KIF1B: variants seen among roughly 807,000 people sequenced by gnomAD.
KIF1B encodes the protein kinesin-like protein KIF1B.
A neutral mutation model predicts 241.9 loss-of-function variants in KIF1B; 76 were observed. The ratio of observed to expected loss-of-function variants is 0.31; its 90% confidence interval spans 0.26 to 0.38. KIF1B has a LOEUF of 0.38. KIF1B is among the 10% of genes least tolerant of loss of function. KIF1B has a pLI of 1.00. For missense variants in KIF1B, 1,622 were observed against 2,271.4 expected (o/e 0.71, Z 5.81); for synonymous variants, 750 against 796.7 (o/e 0.94, Z 0.99).
chr1:10,371,862 G>C (rs1263450853), intron 45 of KIF1B, among the ~76,000 whole-genome samples: 1 of 152,066 alleles, frequency 6.6e-6, no homozygotes, highest in African/African-American at 2.4e-5. Context: ...GAATCCAGGA[G>C]TTCAAGGTTG....
In KIF1B at chr1:10,365,463, C is replaced by T. The variant is rs1423618847; in HGVS notation, c.4567C>T (p.Pro1523Ser). ...LLRERLGDSIPKSLSDSLSPS... is the reference protein window; with the variant it reads ...LLRERLGDSISKSLSDSLSPS... The stretch of plus-strand genomic sequence containing the variant: ...GCGTGAGAGACTTGGTGACAGCATC[C>T]CCAAATCCCTGAGCGACTCGTTATC... The change falls in exon 43 of 49, where the codon CCC (proline) becomes TCC (serine). Residue 1523 changes from proline (P) to serine (S), a missense_variant. Pro to Ser is a moderately conservative substitution (Grantham distance 74, BLOSUM62 -1). Around this residue, in one of 7 missense-constraint regions of KIF1B, gnomAD observed 357 missense variants for 409.0 expected, o/e 0.87. Coordinates refer to ENST00000676179, the MANE Select transcript of KIF1B (RefSeq NM_001365951.3). The surrounding 1 kb of genome is among the most constrained non-coding windows in gnomAD (Gnocchi z 4.0). 1 of 1,614,108 alleles carries T rather than the reference C, an allele frequency of 6.2e-7. No homozygotes were observed. Among genetic ancestry groups the T allele is most frequent in the South Asian group, 1.1e-5 (1 of 91,078 alleles).
intron 34 of KIF1B, among the ~76,000 whole-genome samples, chr1:10,345,274 A>G (rs1375347050): frequency 4.6e-5 from 7 of 152,242 alleles, no homozygotes; most frequent in Admixed American, 1.3e-4. Context: ...TTGTCCTCAC[A>G]TTGGTATCAC....
In KIF1B at chr1:10,268,146, A is replaced by G. The variant is rs1276227203; in HGVS notation, c.609-6A>G. ...TTGTCACGTGGTCACCTTTATGTTT[A>G]TTTAGGACAGTGGCAGCTACAAACA... On this transcript the variant is annotated splice_polypyrimidine_tract_variant and splice_region_variant and intron_variant, in intron 6 of 48. Coordinates refer to ENST00000676179, the MANE Select transcript of KIF1B (RefSeq NM_001365951.3). The G allele has an allele frequency of 2.5e-6, 4 of 1,605,814 alleles. No individual in the cohort carries two copies. Among genetic ancestry groups the G allele is most frequent in the Non-Finnish European group, 3.4e-6 (4 of 1,172,988 alleles).
chr1:10,251,708 T>G (rs1320161363), intron 2 of KIF1B, among the ~76,000 whole-genome samples: 1 of 151,216 alleles, frequency 6.6e-6, no homozygotes, highest in Non-Finnish European at 1.5e-5. Context: ...CACTCCAGCC[T>G]GGGCAACAAG....
Position 10,271,540 on chromosome 1 carries a change from A to G in KIF1B, c.759A>G (p.Glu253=). The part of the protein sequence containing the change: ...KISLVDLAGS[E]RADSTGAKGT... ...GCTTGGTGGATCTAGCAGGAAGTGAACGAGCTGATTCAACTGGTGCCAAAG... is the reference window on the plus strand; with the variant it reads ...GCTTGGTGGATCTAGCAGGAAGTGAGCGAGCTGATTCAACTGGTGCCAAAG... The change falls in exon 8 of 49, where the codon GAA becomes GAG. Residue 253 remains glutamate, a synonymous_variant. Coordinates refer to ENST00000676179, the MANE Select transcript of KIF1B (RefSeq NM_001365951.3). 6.2e-7 allele frequency: 1 copy of G among 1,614,024 alleles called. No individual in the cohort carries two copies. Among genetic ancestry groups the G allele is most frequent in the Non-Finnish European group, 8.5e-7 (1 of 1,179,910 alleles).
chr1:10,298,192 C>A (rs1243709290), intron 22 of KIF1B, among the ~76,000 whole-genome samples: 1 of 152,110 alleles, frequency 6.6e-6, no homozygotes, highest in African/African-American at 2.4e-5. Flanking sequence ...TTTTAAGATT[C>A]AGTTGTATCT....
chr1:10,338,900 A>G (rs1028339438), intron 31 of KIF1B, among the ~76,000 whole-genome samples: 2 of 152,212 alleles, frequency 1.3e-5, no homozygotes, highest in African/African-American at 4.8e-5. Context: ...AGACGGGTGA[A>G]CTAATTTGGA....
intron 10 of KIF1B, chr1:10,274,879 T>G (rs1411786909): frequency 5.4e-6 from 2 of 373,222 alleles, no homozygotes; most frequent in Non-Finnish European, 1.0e-5. Context: ...TGGTGTTTTG[T>G]TTTGTTTTTA....
intron 45 of KIF1B, 108 bp downstream of exon 45, chr1:10,371,370 C>A: frequency 1.5e-6 from 2 of 1,348,866 alleles, no homozygotes; most frequent in Non-Finnish European, 2.1e-6. Flanking sequence ...TCTCCCTAGG[C>A]AGCATTTGGA....
chr1:10,329,328 T>A (rs1280612630), intron 27 of KIF1B, among the ~76,000 whole-genome samples: 1 of 152,218 alleles, frequency 6.6e-6, no homozygotes, highest in Non-Finnish European at 1.5e-5. Context: ...ATCACCCAGT[T>A]GTGTAGTGGT....
rs1652416261 is a variant in KIF1B, at chr1:10,342,042, G to T, written c.3514-8G>T. 1 of 1,517,804 alleles carries T rather than the reference G, an allele frequency of 6.6e-7. No individual in the cohort carries two copies. The highest frequency in any genetic ancestry group is 9.2e-7 in the Non-Finnish European group (1 of 1,092,742). 94.0% of individuals were successfully genotyped at this position (1,517,804 alleles called of 1,614,324 possible). ...TTGTAATCTTTTCCTAATCTTGCTT[G>T]GCTTTAGATTGCAGTGGAGATCACT... On this transcript the variant is annotated splice_region_variant and splice_polypyrimidine_tract_variant and intron_variant, in intron 32 of 48. Transcript: ENST00000676179.
At chr1:10,295,513 T>C in intron 18 of KIF1B, 147 bp from the exon 19 acceptor site, 1 of 733,032 alleles carries the variant, frequency 1.4e-6, no homozygotes, top group Non-Finnish European at 2.4e-6. Flanking sequence ...TATGTGAGGA[T>C]AGAATTCATA....
intron 1 of KIF1B, among the ~76,000 whole-genome samples, chr1:10,213,091 A>C (rs1009385434): frequency 6.6e-6 from 1 of 151,876 alleles, no homozygotes; most frequent in Non-Finnish European, 1.5e-5. Context: ...GTATGAGAGA[A>C]ATACAGAATG....
intron 2 of KIF1B, among the ~76,000 whole-genome samples, chr1:10,235,876 A>G (rs1259139581): frequency 6.6e-6 from 1 of 151,672 alleles, no homozygotes; most frequent in African/African-American, 2.4e-5. Context: ...AAAAAAAAAA[A>G]AAAAAAAGCA....
chr1:10,324,355 T>C (rs982896435), intron 25 of KIF1B, among the ~76,000 whole-genome samples: 2 of 152,250 alleles, frequency 1.3e-5, no homozygotes, highest in African/African-American at 4.8e-5. Context: ...ATTTGGAACT[T>C]ATTTATTTTT....
In KIF1B at chr1:10,275,387, C is replaced by G. The variant is rs766581796; in HGVS notation, c.883-41C>G. The G allele has an allele frequency of 2.6e-6, 3 of 1,135,978 alleles. No homozygotes were observed. In the Admixed American group the frequency reaches 5.1e-5, roughly 19 times the overall value. 70.4% of individuals were successfully genotyped at this position (1,135,978 alleles called of 1,614,324 possible). On this transcript the variant is annotated intron_variant, in intron 10 of 48. Transcript: ENST00000676179. The stretch of plus-strand genomic sequence containing the variant: ...TTTGCCTTTCTTGGGAATTTTTTTC[C>G]CTAACGAAAAATGCTAAGACCATTT...
chr1:10,324,764 G>T lies in KIF1B; in HGVS notation c.2544G>T (p.Arg848Ser). The T allele has an allele frequency of 1.2e-6, 2 of 1,614,026 alleles. No individual in the cohort carries two copies. The highest frequency in any genetic ancestry group is 1.1e-5 in the South Asian group (1 of 91,074). Residue 848 changes from arginine to serine, a missense_variant, in exon 26 of 49, where the codon AGG becomes AGT. Transcript: ENST00000676179. ...HYWSLEKLKQ[R>S]LDLMREMYDR... ...CTTTGTGTTTACTAAATAGGCAGAG[G>T]CTGGATTTGATGCGAGAGATGTATG...
chr1:10,368,112 A>G (rs994306406), intron 43 of KIF1B, among the ~76,000 whole-genome samples: 7 of 152,138 alleles, frequency 4.6e-5, no homozygotes, highest in Non-Finnish European at 8.8e-5. Context: ...TTAGACATAC[A>G]TAGAACTTCC....
chr1:10,292,274 A>G (rs928832076), intron 17 of KIF1B, 152 bp downstream of exon 17: 1 of 695,412 alleles, frequency 1.4e-6, no homozygotes, highest in Non-Finnish European at 2.6e-6. Flanking sequence ...ATCTTAGAGC[A>G]TGGTCTTATA....
Sources: allele counts gnomAD v4.1 joint callset (sites outside exome capture counted in the v4.1 genomes callset), GRCh38; gene constraint gnomAD v4.1.1; regional missense constraint gnomAD v4.1.1; non-coding constraint Gnocchi (gnomAD v3.1); transcripts MANE v1.5; gene names NCBI Gene and HGNC (gene_info 2026-07-23, HGNC 2026-07-21).